OPCML: variants seen among roughly 807,000 people sequenced by gnomAD.
OPCML encodes the protein opioid binding protein/cell adhesion molecule like.
A neutral mutation model predicts 37.8 loss-of-function variants in OPCML; 13 were observed. The observed-to-expected ratio is 0.34, with a 90% CI of 0.22 to 0.55. The LOEUF (loss-of-function observed/expected upper bound fraction) is 0.55. Ranked by LOEUF, OPCML falls within the 20% of genes least tolerant of loss-of-function variation. OPCML has a pLI of 0.91. For synonymous variants in OPCML, 176 were observed against 168.8 expected (o/e 1.04, Z -0.33); for missense variants, 341 against 435.6 (o/e 0.78, Z 1.93).
chr11:133,138,272 T>C (rs923651722), intron 1 of OPCML, among the ~76,000 whole-genome samples: 6 of 152,220 alleles, frequency 3.9e-5, no homozygotes, highest in Non-Finnish European at 8.8e-5. Context: ...GCCAGTGCCA[T>C]ATTCTTGGAC....
chr11:133,310,303 G>T (rs1054886381), intron 1 of OPCML, among the ~76,000 whole-genome samples: 19 of 152,056 alleles, frequency 1.2e-4, no homozygotes, highest in African/African-American at 3.6e-4. Context: ...ATGAAGAAAT[G>T]AATCTCTCTC....
intron 4 of OPCML, among the ~76,000 whole-genome samples, chr11:132,512,555 C>T (rs1056800633): frequency 6.6e-6 from 1 of 151,808 alleles, no homozygotes; most frequent in Non-Finnish European, 1.5e-5. Flanking sequence ...GAATAAAACT[C>T]AAAAGGTGAG....
At chr11:133,236,046 C>T (rs1318287834) in intron 1 of OPCML, among the ~76,000 whole-genome samples, 2 of 152,106 alleles carry the variant, frequency 1.3e-5, no homozygotes, top group African/African-American at 2.4e-5. Context: ...CCTGTGATAA[C>T]GTTTAATTTT....
chr11:133,150,670 G>C (rs1949966694), intron 1 of OPCML, among the ~76,000 whole-genome samples: 2 of 152,176 alleles, frequency 1.3e-5, no homozygotes, highest in Non-Finnish European at 2.9e-5. Context: ...CCACTGTGCA[G>C]TGTCGGCAAA....
intron 4 of OPCML, among the ~76,000 whole-genome samples, chr11:132,512,796 A>T: frequency 6.6e-6 from 1 of 151,914 alleles, no homozygotes; most frequent in East Asian, 1.9e-4. Context: ...AATATATAAC[A>T]GCAGAAAACA....
In OPCML at chr11:133,418,762, G is replaced by A. The variant is rs183694282; in HGVS notation, c.61+113502C>T. Among the ~76,000 whole-genome samples the A allele has an allele frequency of 3.0e-4, 45 of 152,324 alleles. No homozygotes were observed. In the East Asian group the frequency reaches 3.1e-3, roughly 10 times the overall value. On this transcript the variant is annotated intron_variant, in intron 1 of 7. Transcript: ENST00000524381. ...GCATGAATTTTGCTAAGATGTAGGC[G>A]TGGTTAAACGATAACCAGCCATTGT... is the stretch of plus-strand genomic sequence containing the variant.
intron 7 of OPCML, among the ~76,000 whole-genome samples, chr11:132,432,058 C>A (rs1657075014): frequency 6.6e-6 from 1 of 152,182 alleles, no homozygotes; most frequent in Non-Finnish European, 1.5e-5. Flanking sequence ...GTCTTATGAG[C>A]TGGATTGCAA....
intron 3 of OPCML, among the ~76,000 whole-genome samples, chr11:132,651,280 G>GT (rs1255939975): frequency 6.6e-6 from 1 of 152,180 alleles, no homozygotes; most frequent in Non-Finnish European, 1.5e-5. Flanking sequence ...CCTCGCTAGT[G>GT]TAACTCGGAC....
intron 1 of OPCML, among the ~76,000 whole-genome samples, chr11:133,021,271 C>T (rs1461060988): frequency 6.6e-6 from 1 of 152,046 alleles, no homozygotes; most frequent in Admixed American, 6.6e-5. Context: ...ATTTTTTAGG[C>T]GAGAGCATTT....
intron 2 of OPCML, among the ~76,000 whole-genome samples, chr11:132,923,755 A>ATTTTTTTTTTTT (rs71038509): frequency 2.2e-5 from 2 of 92,066 alleles, no homozygotes; most frequent in African/African-American, 4.5e-5. Flanking sequence ...AGTTACTTGA[A>ATTTTTTTTTTTT]TTTTTTTTTT....
intron 1 of OPCML, among the ~76,000 whole-genome samples, chr11:133,180,722 G>A (rs73596480): frequency 0.027 from 4,020 of 151,628 alleles, 186 homozygotes; most frequent in African/African-American, 0.09. Context: ...GACATCGCTC[G>A]CCCTCATTAA....
intron 1 of OPCML, among the ~76,000 whole-genome samples, chr11:133,267,536 C>T (rs1168917588): frequency 6.6e-6 from 1 of 152,140 alleles, no homozygotes; most frequent in East Asian, 1.9e-4. Flanking sequence ...ATTTTCTTGT[C>T]TTTTTGGTAT....
intron 2 of OPCML, among the ~76,000 whole-genome samples, chr11:132,752,154 T>C (rs1945856453): frequency 1.3e-5 from 2 of 152,052 alleles, no homozygotes; most frequent in African/African-American, 4.8e-5. Flanking sequence ...GACATGTGCA[T>C]GGGGAGGAGT....
At chr11:133,499,933 G>A (rs1947876356) in intron 1 of OPCML, among the ~76,000 whole-genome samples, 1 of 144,368 alleles carries the variant, frequency 6.9e-6, no homozygotes, top group Admixed American at 6.9e-5. Flanking sequence ...GTGCAATGGT[G>A]AGATCTCGGC....
chr11:132,724,145 T>C (rs1197338709), intron 2 of OPCML, among the ~76,000 whole-genome samples: 1 of 152,112 alleles, frequency 6.6e-6, no homozygotes, highest in Non-Finnish European at 1.5e-5. Flanking sequence ...GGTCAGAGCA[T>C]GTCCAGGAAT....
intron 1 of OPCML, among the ~76,000 whole-genome samples, chr11:133,176,992 T>C (rs528634470): frequency 6.6e-5 from 10 of 152,268 alleles, no homozygotes; most frequent in Admixed American, 4.6e-4. Context: ...GCAGCTTGTC[T>C]TCAGTGCCAG....
intron 1 of OPCML, among the ~76,000 whole-genome samples, chr11:133,383,992 G>GC: frequency 6.6e-6 from 1 of 152,140 alleles, no homozygotes; most frequent in East Asian, 1.9e-4. Context: ...TCCCGGCAGT[G>GC]CCCCAGGAGA....
intron 1 of OPCML, among the ~76,000 whole-genome samples, chr11:133,254,666 T>C (rs1033980015): frequency 1.3e-5 from 2 of 152,158 alleles, no homozygotes; most frequent in African/African-American, 4.8e-5. Flanking sequence ...AATTTATGCC[T>C]AAATTGTGTT....
At chr11:133,141,042 C>A (rs200047844) in intron 1 of OPCML, among the ~76,000 whole-genome samples, 855 of 5,362 alleles carry the variant, frequency 0.16, 284 homozygotes, top group African/African-American at 0.22. Context: ...ACGACGACGA[C>A]GACGACGAAG....
Sources: gnomAD v4.1 joint callset for allele counts (sites outside exome capture counted in the v4.1 genomes callset) on GRCh38, gnomAD v4.1.1 for gene constraint, MANE v1.5 for transcripts, NCBI Gene and HGNC (gene_info 2026-07-23, HGNC 2026-07-21) for gene names.